Variants in JCAD observed in about 807,000 individuals in gnomAD.
JCAD encodes junctional cadherin 5-associated protein.
JCAD carries 40 observed loss-of-function variants against 98.0 expected under a neutral mutation model. The ratio of observed to expected loss-of-function variants is 0.41; its 90% CI spans 0.32 to 0.53. JCAD has a LOEUF of 0.53. JCAD is among the 20% of genes least tolerant of loss of function. The pLI is 0.31. For synonymous variants in JCAD, 691 were observed against 682.3 expected, an observed-to-expected ratio of 1.01 and a Z score of -0.20; for missense variants, 1,705 against 1,738.1, an observed-to-expected ratio of 0.98 and a Z score of 0.34.
chr10:30,097,326 A>G (rs1838386893), intron 1 of JCAD, among the ~76,000 whole-genome samples: 2 of 152,190 alleles, frequency 1.3e-5, no homozygotes, highest in East Asian at 3.8e-4. Context: ...CTGGGGTATT[A>G]GTGGGACAAA....
chr10:30,029,285 T>G lies in JCAD; in HGVS notation c.863A>C (p.Lys288Thr), dbSNP rs570793850. The G allele has an allele frequency of 6.2e-7, 1 of 1,614,110 alleles. No homozygotes were observed. Among genetic ancestry groups the G allele is most frequent in the Non-Finnish European group, 8.5e-7 (1 of 1,180,016 alleles). The change falls in exon 3 of 4, where the codon AAG (lysine) becomes ACG (threonine). Residue 288 changes from lysine to threonine, a missense_variant. Around this residue, in one of 3 missense-constraint regions of JCAD, gnomAD observed 275 missense variants for 346.9 expected, o/e 0.79. Coordinates refer to ENST00000375377, the MANE Select transcript of JCAD (RefSeq NM_020848.4). ...TGGGGGCTTGAGGGGCCTCCCAAACTTAGGCCGGGGAAATGGGGCTGAGCA... is the reference window on the plus strand; with the variant it reads ...TGGGGGCTTGAGGGGCCTCCCAAACGTAGGCCGGGGAAATGGGGCTGAGCA... ...SGCSAPFPRP[K>T]FGRPLKPPSY...
At chr10:30,032,425 A>C (rs1194241735) in intron 2 of JCAD, among the ~76,000 whole-genome samples, 1 of 152,210 alleles carries the variant, frequency 6.6e-6, no homozygotes, top group East Asian at 1.9e-4. Context: ...TAATGTGCAG[A>C]AATATTAAGC....
At chr10:30,046,136 C>T (rs1156826202) in intron 2 of JCAD, among the ~76,000 whole-genome samples, 3 of 152,150 alleles carry the variant, frequency 2.0e-5, no homozygotes, top group African/African-American at 7.2e-5. Flanking sequence ...TTACATAACA[C>T]GCTCTGTAGA....
chr10:30,044,830 A>C, intron 2 of JCAD: 1 of 981,786 alleles, frequency 1.0e-6, no homozygotes, highest in African/African-American at 1.7e-5. Context: ...GCACCTAAAA[A>C]AAAAAAAAAG....
chr10:30,092,113 TATATATATATATAAAA>T (rs1838291628), intron 1 of JCAD, among the ~76,000 whole-genome samples: 1 of 110,148 alleles, frequency 9.1e-6, no homozygotes, highest in African/African-American at 4.1e-5. Flanking sequence ...TATATATATA[TATATATATATATAAAA>T]AACATTTTAA....
At chr10:30,084,082 A>T (rs948928016) in intron 1 of JCAD, among the ~76,000 whole-genome samples, 2 of 151,336 alleles carry the variant, frequency 1.3e-5, no homozygotes, top group Non-Finnish European at 2.9e-5. Context: ...AGAAAGAAAG[A>T]GTGAGAGAAA....
chr10:30,092,899 G>A (rs1202450936), intron 1 of JCAD, among the ~76,000 whole-genome samples: 3 of 152,092 alleles, frequency 2.0e-5, no homozygotes, highest in Non-Finnish European at 4.4e-5. Context: ...TACCTCTGGA[G>A]GGGTGTTATG....
intron 1 of JCAD, among the ~76,000 whole-genome samples, chr10:30,049,163 C>T (rs981461456): frequency 6.6e-6 from 1 of 152,186 alleles, no homozygotes; most frequent in Non-Finnish European, 1.5e-5. Flanking sequence ...ATTGGTCAGA[C>T]GGATACACCC....
rs775484783 is a variant in JCAD at position 30,092,125 on chromosome 10, TAA to T, written n.129-22306_129-22305del. On this transcript the variant is annotated intron_variant and non_coding_transcript_variant, in intron 1 of 2. Transcript: ENST00000465712. ...ATATATATATATATATATATATATA[TAA>T]AAAACATTTTAACTCTTTGCAAGAA... 5.6e-4 allele frequency among the ~76,000 whole-genome samples: 59 copies of T among 104,918 alleles called. 4 individuals carry two copies. Among genetic ancestry groups the T allele is most frequent in the African/African-American group, 1.4e-3 (32 of 22,280 alleles). The allele number at this position is 104,918 out of a possible 152,430, so 68.8% of individuals were successfully genotyped here. A position where few individuals can be genotyped will look rare whatever the true frequency, so the allele number is the denominator to read the frequency against.
chr10:30,084,424 T>G (rs991954609), intron 1 of JCAD, among the ~76,000 whole-genome samples: 4 of 152,220 alleles, frequency 2.6e-5, no homozygotes, highest in Non-Finnish European at 5.9e-5. Context: ...TGAGGCTGTT[T>G]TTTGAATGAG....
chr10:30,081,842 G>A (rs531349122), intron 1 of JCAD, among the ~76,000 whole-genome samples: 3 of 152,328 alleles, frequency 2.0e-5, no homozygotes, highest in South Asian at 2.1e-4. Context: ...GATCACTCAC[G>A]TCTGCTGCAT....
At chr10:30,044,812 T>A in intron 2 of JCAD, 1 of 976,454 alleles carries the variant, frequency 1.0e-6, no homozygotes, top group Non-Finnish European at 1.2e-6. Flanking sequence ...TTTTCAGTTC[T>A]CTATTGGGCA....
intron 1 of JCAD, among the ~76,000 whole-genome samples, chr10:30,093,809 A>G (rs1410470431): frequency 6.6e-6 from 1 of 152,148 alleles, no homozygotes; most frequent in African/African-American, 2.4e-5. Context: ...TCTAGCTCAG[A>G]GATTCAGTAA....
intron 2 of JCAD, among the ~76,000 whole-genome samples, chr10:30,044,114 C>G (rs1837290716): frequency 6.6e-6 from 1 of 152,084 alleles, no homozygotes. Flanking sequence ...GATGACACAG[C>G]AAGAAGGCCC....
Position 30,092,064 on chromosome 10 carries a change from AATATATAT to A in JCAD, n.129-22251_129-22244del, listed in dbSNP as rs1272095459. 3.7e-4 allele frequency among the ~76,000 whole-genome samples: 7 copies of A among 19,024 alleles called. 1 individual carries two copies. Among genetic ancestry groups the A allele is most frequent in the Admixed American group, 1.4e-3 (1 of 734 alleles). 12.5% of individuals were successfully genotyped at this position (19,024 alleles called of 152,430 possible). On this transcript the variant is annotated intron_variant and non_coding_transcript_variant, in intron 1 of 2. Coordinates refer to the JCAD transcript ENST00000465712. ...AAAAAAAAAAAAAAAAAAAAAAAAA[AATATATAT>A]ATATATATATATATATAAAGTTACT... is the stretch of plus-strand genomic sequence containing the variant.
chr10:30,052,422 C>T (rs372616885), intron 1 of JCAD, among the ~76,000 whole-genome samples: 1 of 152,142 alleles, frequency 6.6e-6, no homozygotes, highest in East Asian at 1.9e-4. Flanking sequence ...CAGCAGGCAT[C>T]GAAGTCAGCT....
intron 1 of JCAD, among the ~76,000 whole-genome samples, chr10:30,107,566 A>G (rs1838607491): frequency 6.6e-6 from 1 of 152,226 alleles, no homozygotes; most frequent in African/African-American, 2.4e-5. Context: ...TCAAGAGGTA[A>G]CGATAAGTAC....
chr10:30,062,918 G>T (rs1284394016), upstream of JCAD, among the ~76,000 whole-genome samples: 2 of 152,170 alleles, frequency 1.3e-5, no homozygotes, highest in Admixed American at 1.3e-4. Flanking sequence ...AGATGCATGA[G>T]TATGAGCAGG....
upstream of JCAD, among the ~76,000 whole-genome samples, chr10:30,062,655 A>G (rs1017498230): frequency 3.3e-5 from 5 of 152,224 alleles, no homozygotes; most frequent in African/African-American, 1.2e-4. Context: ...TCACGGTGGA[A>G]GGCAAAGGAG....
Sources: gnomAD v4.1 joint callset for allele counts (sites outside exome capture counted in the v4.1 genomes callset) on GRCh38, gnomAD v4.1.1 for gene constraint, gnomAD v4.1.1 regional missense constraint, MANE v1.5 for transcripts, NCBI Gene and HGNC (gene_info 2026-07-23, HGNC 2026-07-21) for gene names.